Variants in NTM observed in about 807,000 individuals in gnomAD.
NTM encodes the protein neurotrimin, also known as IgLON family member 2.
A neutral mutation model predicts 42.1 loss-of-function variants in NTM; 13 were observed. The observed-to-expected ratio is 0.31, with a 90% CI of 0.20 to 0.49. The LOEUF (loss-of-function observed/expected upper bound fraction) is 0.49, where lower values mean the gene tolerates loss of function less well. NTM is among the 20% of genes least tolerant of loss of function. NTM has a pLI of 0.99. For missense variants in NTM, 373 were observed against 452.8 expected, an observed-to-expected ratio of 0.82 and a Z score of 1.60; for synonymous variants, 187 against 179.2, an observed-to-expected ratio of 1.04 and a Z score of -0.35.
At chr11:131,610,743 C>A (rs143425231) in intron 1 of NTM, among the ~76,000 whole-genome samples, 1 of 151,980 alleles carries the variant, frequency 6.6e-6, no homozygotes, top group Admixed American at 6.6e-5. Context: ...TGGAGGAGGG[C>A]GTGAGTAGTA....
At chr11:131,797,804 C>A (rs937671832) in intron 1 of NTM, among the ~76,000 whole-genome samples, 7 of 152,094 alleles carry the variant, frequency 4.6e-5, no homozygotes, top group Non-Finnish European at 1.0e-4. Context: ...TAATTATTGG[C>A]AATTCCATGT....
intron 1 of NTM, among the ~76,000 whole-genome samples, chr11:131,808,179 C>T (rs2092592613): frequency 2.0e-5 from 3 of 152,116 alleles, no homozygotes; most frequent in Non-Finnish European, 2.9e-5. Flanking sequence ...CCTAGAAATG[C>T]TATGTTCATG....
chr11:131,878,511 A>G lies in NTM; in HGVS notation c.83-33053A>G, dbSNP rs536616302. On this transcript the variant is annotated intron_variant, in intron 1 of 8. Coordinates refer to ENST00000683400, the MANE Select transcript of NTM (RefSeq NM_001352005.2). Reference sequence around the variant, plus strand: ...CTTGAAACCAGGAGGCAGAGGTTGCAGTGACCCGAGATGGCACCGCTGCAC... The same window carrying G: ...CTTGAAACCAGGAGGCAGAGGTTGCGGTGACCCGAGATGGCACCGCTGCAC... Among the ~76,000 whole-genome samples, 26 of 141,900 alleles carry G rather than the reference A, an allele frequency of 1.8e-4. 1 individual carries two copies. Among genetic ancestry groups the G allele is most frequent in the African/African-American group, 6.4e-4 (24 of 37,542 alleles). The allele number at this position is 141,900 out of a possible 152,430, so 93.1% of individuals were successfully genotyped here. A position where few individuals can be genotyped will look rare whatever the true frequency, so the allele number is the denominator to read the frequency against.
chr11:131,370,735 A>G lies in NTM; in HGVS notation c.-72A>G, dbSNP rs1197728397. The G allele has an allele frequency of 2.6e-5, 34 of 1,297,196 alleles. No individual in the cohort carries two copies. The Middle Eastern group carries it at 5.6e-4, about 21-fold the overall frequency. The allele number at this position is 1,297,196 out of a possible 1,614,324, so 80.4% of individuals were successfully genotyped here. On this transcript the variant is annotated 5_prime_UTR_variant, in exon 1 of 9. Coordinates refer to ENST00000683400, the MANE Select transcript of NTM (RefSeq NM_001352005.2). Reference sequence around the variant, plus strand: ...CTTGCACAAGCTTGAGAGCAACACAATCTATCAGGAAAGAAAGAAAGAAAA... The same window carrying G: ...CTTGCACAAGCTTGAGAGCAACACAGTCTATCAGGAAAGAAAGAAAGAAAA...
intron 1 of NTM, among the ~76,000 whole-genome samples, chr11:131,551,846 A>G (rs1233848506): frequency 2.0e-5 from 3 of 152,150 alleles, no homozygotes; most frequent in African/African-American, 7.2e-5. Context: ...ATAGCAAAAA[A>G]TTCCTTTTTG....
chr11:132,282,806 C>G (rs879841815), intron 4 of NTM, among the ~76,000 whole-genome samples: 14 of 151,994 alleles, frequency 9.2e-5, no homozygotes, highest in South Asian at 4.2e-4. Flanking sequence ...CTATGAATGC[C>G]TATTAATAGG....
intron 1 of NTM, among the ~76,000 whole-genome samples, chr11:131,580,263 C>T (rs947965995): frequency 2.0e-5 from 3 of 152,212 alleles, no homozygotes; most frequent in African/African-American, 7.2e-5. Flanking sequence ...TTAATGCTGG[C>T]TGCTTTATCA....
intron 1 of NTM, among the ~76,000 whole-genome samples, chr11:131,412,604 C>T (rs547180301): frequency 4.6e-5 from 7 of 152,122 alleles, no homozygotes; most frequent in Non-Finnish European, 8.8e-5. Flanking sequence ...TTTGTTGATT[C>T]GCCCAAGTAA....
intron 2 of NTM, among the ~76,000 whole-genome samples, chr11:131,920,140 A>T (rs2057011408): frequency 6.6e-6 from 1 of 152,218 alleles, no homozygotes; most frequent in African/African-American, 2.4e-5. Context: ...CTGTGAATTC[A>T]TGCATAGATT....
At chr11:131,470,772 C>T (rs191018302) in intron 1 of NTM, among the ~76,000 whole-genome samples, 3 of 152,232 alleles carry the variant, frequency 2.0e-5, no homozygotes, top group Non-Finnish European at 2.9e-5. Context: ...TATCAAAGGT[C>T]CTGAGGGGAA....
At chr11:132,015,435 A>T (rs1377694646) in intron 2 of NTM, among the ~76,000 whole-genome samples, 2 of 151,866 alleles carry the variant, frequency 1.3e-5, no homozygotes, top group Admixed American at 6.6e-5. Flanking sequence ...GAAAAATGCC[A>T]TTGGTGTTTT....
chr11:131,964,772 A>G (rs1179568085), intron 2 of NTM, among the ~76,000 whole-genome samples: 1 of 152,148 alleles, frequency 6.6e-6, no homozygotes, highest in African/African-American at 2.4e-5. Flanking sequence ...GGTCTTTCCC[A>G]TGCTCATTCC....
At chr11:132,041,223 G>GAT (rs751629112) in intron 2 of NTM, among the ~76,000 whole-genome samples, 1,384 of 106,782 alleles carry the variant, frequency 0.013, 15 homozygotes, top group African/African-American at 0.047. Flanking sequence ...GAGAGAGAGA[G>GAT]AGATAGATAG....
chr11:132,066,063 C>T (rs940925678), intron 2 of NTM, among the ~76,000 whole-genome samples: 5 of 152,176 alleles, frequency 3.3e-5, no homozygotes, highest in African/African-American at 1.2e-4. Flanking sequence ...CCATGAAGCA[C>T]AATTTGAAAA....
intron 2 of NTM, among the ~76,000 whole-genome samples, chr11:132,075,341 A>T (rs2136212151): frequency 6.6e-6 from 1 of 152,340 alleles, no homozygotes; most frequent in South Asian, 2.1e-4. Flanking sequence ...ATAAAATAAA[A>T]TTTTAATCAA....
intron 1 of NTM, among the ~76,000 whole-genome samples, chr11:131,491,719 A>G (rs779768865): frequency 2.0e-5 from 3 of 152,214 alleles, no homozygotes; most frequent in Non-Finnish European, 2.9e-5. Context: ...ATAGGGAATC[A>G]GAGGATACCA....
At chr11:131,522,974 G>A (rs1190549555) in intron 1 of NTM, among the ~76,000 whole-genome samples, 1 of 152,198 alleles carries the variant, frequency 6.6e-6, no homozygotes, top group African/African-American at 2.4e-5. Context: ...CCAGAGCTAT[G>A]AGTTACTGGG....
At chr11:131,865,006 A>G (rs1340691695) in intron 1 of NTM, among the ~76,000 whole-genome samples, 1 of 152,216 alleles carries the variant, frequency 6.6e-6, no homozygotes, top group Non-Finnish European at 1.5e-5. Context: ...TCCCACCTCC[A>G]GCACCATTCT....
chr11:131,384,847 G>T (rs1225606814), intron 1 of NTM, among the ~76,000 whole-genome samples: 2 of 152,192 alleles, frequency 1.3e-5, no homozygotes, highest in African/African-American at 4.8e-5. Context: ...CTTAAATAAC[G>T]TAATCTGTAT....
Sources: gnomAD v4.1 joint callset for allele counts (sites outside exome capture counted in the v4.1 genomes callset) on GRCh38, gnomAD v4.1.1 for gene constraint, MANE v1.5 for transcripts, NCBI Gene and HGNC (gene_info 2026-07-23, HGNC 2026-07-21) for gene names.